Variants in PAAF1 observed in about 807,000 individuals in gnomAD.
PAAF1 encodes the protein proteasomal ATPase-associated factor 1.
Under a neutral mutation model 52.8 loss-of-function variants are expected in PAAF1, and 46 were observed. The observed-to-expected ratio is 0.87, with a 90% CI of 0.69 to 1.11. The LOEUF (loss-of-function observed/expected upper bound fraction) is 1.11. Ranked by LOEUF, PAAF1 falls within the 50% of genes most tolerant of loss-of-function variation. The pLI, the probability that PAAF1 is intolerant of heterozygous loss-of-function variation, is 0.00. For synonymous variants in PAAF1, 178 were observed against 172.8 expected, an observed-to-expected ratio of 1.03 and a Z score of -0.24; for missense variants, 424 against 477.4, an observed-to-expected ratio of 0.89 and a Z score of 1.04.
At chr11:73,879,267 G>A (rs1002555614) in intron 2 of PAAF1, 4 of 152,278 alleles carry the variant, frequency 2.6e-5, no homozygotes, top group African/African-American at 9.7e-5. Flanking sequence ...ACCAAGCTAA[G>A]TACATTTGTT....
In PAAF1 at chr11:73,914,481, T is replaced by C. The variant is rs1248982025; in HGVS notation, c.796T>C (p.Leu266=). ...LAREDKKLQC[L]GLQSRQLVFL... Reference sequence around the variant, plus strand: ...CCGGGAAGATAAGAAACTTCAGTGCTTGGGACTACAGAGCAGGCAGCTGGC... The same window carrying C: ...CCGGGAAGATAAGAAACTTCAGTGCCTGGGACTACAGAGCAGGCAGCTGGC... Residue 266 remains leucine (L), a synonymous_variant, in exon 8 of 12, where the codon TTG becomes CTG. Coordinates refer to ENST00000310571, the MANE Select transcript of PAAF1 (RefSeq NM_025155.3). 1 of 1,613,908 alleles carries C rather than the reference T, an allele frequency of 6.2e-7. No individual in the cohort carries two copies. The highest frequency in any genetic ancestry group is 1.7e-5 in the Admixed American group (1 of 59,986).
chr11:73,888,776 C>T (rs186681909), intron 3 of PAAF1: 6 of 294,174 alleles, frequency 2.0e-5, no homozygotes, highest in Non-Finnish European at 3.7e-5. Context: ...TCTTAGTTAA[C>T]TCTGACACTT....
At chr11:73,922,346 C>T (rs1176501550) in intron 10 of PAAF1, 1 of 337,492 alleles carries the variant, frequency 3.0e-6, no homozygotes, top group African/African-American at 2.2e-5. Flanking sequence ...AAAACTAAGA[C>T]CAATAAGAGA....
At chr11:73,879,880 A>G (rs1193820120) in intron 2 of PAAF1, 2 of 151,906 alleles carry the variant, frequency 1.3e-5, no homozygotes, top group Non-Finnish European at 2.9e-5. Flanking sequence ...CATTAAAAAA[A>G]AAAAGACTAT....
intron 7 of PAAF1, among the ~76,000 whole-genome samples, chr11:73,912,802 A>G (rs1045077501): frequency 2.0e-5 from 3 of 152,106 alleles, no homozygotes; most frequent in African/African-American, 7.2e-5. Context: ...ACCCTCTGCC[A>G]TGTTCACTAC....
In PAAF1 at chr11:73,930,911, A is replaced by G. The variant is rs1281446334; in HGVS notation, c.*3549A>G. The G allele has an allele frequency of 6.6e-6, 1 of 151,874 alleles. No individual in the cohort carries two copies. The highest frequency in any genetic ancestry group is 1.5e-5 in the Non-Finnish European group (1 of 67,990). The allele number at this position is 151,874 out of a possible 1,614,324, so 9.4% of individuals were successfully genotyped here. ...AGGAATATATTGTGTTTTGAGATCTATTGCATAGCATGGTAGATTGCTAAG... is the reference window on the plus strand; with the variant it reads ...AGGAATATATTGTGTTTTGAGATCTGTTGCATAGCATGGTAGATTGCTAAG... On this transcript the variant is annotated 3_prime_UTR_variant, in exon 12 of 12. Transcript: ENST00000310571.
chr11:73,905,862 C>T (rs1408809536), intron 6 of PAAF1, among the ~76,000 whole-genome samples: 1 of 152,062 alleles, frequency 6.6e-6, no homozygotes, highest in South Asian at 2.1e-4. Flanking sequence ...GTATCACTTC[C>T]GTGGAACTCA....
chr11:73,916,978 TAG>T (rs1950083345), intron 9 of PAAF1, among the ~76,000 whole-genome samples: 1 of 152,180 alleles, frequency 6.6e-6, no homozygotes, highest in Non-Finnish European at 1.5e-5. Context: ...TCTCTTACAT[TAG>T]ACCCTGGCTA....
At position 73,929,787 on chromosome 11, in the gene PAAF1, T is replaced by A. The variant is rs1950430443; in HGVS notation, c.*2425T>A. ...GAAAACAGGATGAGGCTGGGCATGG[T>A]GGCTCACGCCTATAATCCCAGCACT... On this transcript the variant is annotated 3_prime_UTR_variant, in exon 12 of 12. Coordinates refer to ENST00000310571, the MANE Select transcript of PAAF1 (RefSeq NM_025155.3). 1 of 152,316 alleles carries A rather than the reference T, an allele frequency of 6.6e-6. No individual in the cohort carries two copies. Among genetic ancestry groups the A allele is most frequent in the African/African-American group, 2.4e-5 (1 of 41,472 alleles). The allele number at this position is 152,316 out of a possible 1,614,324, so 9.4% of individuals were successfully genotyped here. A position where few individuals can be genotyped will look rare whatever the true frequency, so the allele number is the denominator to read the frequency against.
At chr11:73,885,063 T>G (rs999677102) in intron 2 of PAAF1, among the ~76,000 whole-genome samples, 5 of 151,708 alleles carry the variant, frequency 3.3e-5, no homozygotes, top group Non-Finnish European at 7.4e-5. Context: ...GTTTCACCGT[T>G]TTAGCCGGGA....
At chr11:73,901,591 G>A (rs771776176) in intron 6 of PAAF1, among the ~76,000 whole-genome samples, 1 of 151,780 alleles carries the variant, frequency 6.6e-6, no homozygotes, top group African/African-American at 2.4e-5. Flanking sequence ...TGTGTGTGGA[G>A]ATCAAGTTTT....
intron 3 of PAAF1, among the ~76,000 whole-genome samples, chr11:73,890,622 A>C (rs1256772065): frequency 6.6e-6 from 1 of 152,234 alleles, no homozygotes; most frequent in Non-Finnish European, 1.5e-5. Flanking sequence ...AAATGTCAGT[A>C]GTCTAACATT....
rs1188807357 is a variant in PAAF1, at chr11:73,892,631, A to G, written c.282+1430A>G. On this transcript the variant is annotated intron_variant, in intron 4 of 11. Transcript: ENST00000310571. ...TTTTACCAAAATGGGTTTTTACATT[A>G]CATGCTATTTTATAACTTGCTTTTT... 2.6e-5 allele frequency among the ~76,000 whole-genome samples: 4 copies of G among 152,220 alleles called. No homozygotes were observed. The South Asian group carries it at 8.3e-4, about 32-fold the overall frequency.
intron 10 of PAAF1, among the ~76,000 whole-genome samples, chr11:73,920,283 C>T (rs1212377359): frequency 2.0e-5 from 3 of 152,146 alleles, no homozygotes; most frequent in African/African-American, 4.8e-5. Flanking sequence ...CCTATAATCC[C>T]AGCATTTTGG....
chr11:73,884,471 G>A (rs555880407), intron 2 of PAAF1, among the ~76,000 whole-genome samples: 1 of 152,160 alleles, frequency 6.6e-6, no homozygotes, highest in Non-Finnish European at 1.5e-5. Flanking sequence ...CTCCAGCCTG[G>A]GTGACAGAGC....
At chr11:73,897,994 A>G (rs920989773) in intron 4 of PAAF1, among the ~76,000 whole-genome samples, 5 of 152,198 alleles carry the variant, frequency 3.3e-5, no homozygotes, top group Non-Finnish European at 7.4e-5. Flanking sequence ...CAGCCCAGCC[A>G]ACACAGCGAA....
chr11:73,927,216 A>G, intron 11 of PAAF1, 69 bp from the exon 12 acceptor site: 1 of 1,186,514 alleles, frequency 8.4e-7, no homozygotes, highest in Non-Finnish European at 1.3e-6. Flanking sequence ...TGTGTCAATC[A>G]TAAGCCTCCA....
Position 73,914,795 on chromosome 11 carries a change from C to A in PAAF1, c.819+291C>A, listed in dbSNP as rs567878835. ...TCGGTTCAGCTCACTGCAACCTCCA[C>A]CTCCTAGGTTCAAGTGATTCTCCTG... On this transcript the variant is annotated intron_variant, in intron 8 of 11. Transcript: ENST00000310571. Among the ~76,000 whole-genome samples the A allele has an allele frequency of 9.3e-5, 14 of 151,242 alleles. No homozygotes were observed. In the South Asian group the frequency reaches 2.7e-3, roughly 29 times the overall value.
chr11:73,896,967 C>T (rs1201556625), intron 4 of PAAF1, among the ~76,000 whole-genome samples: 8 of 136,112 alleles, frequency 5.9e-5, no homozygotes, highest in African/African-American at 8.5e-5. Flanking sequence ...GGCGGCTGGC[C>T]GGGCGGGGGG....
Sources: allele counts gnomAD v4.1 joint callset (sites outside exome capture counted in the v4.1 genomes callset), GRCh38; gene constraint gnomAD v4.1.1; transcripts MANE v1.5; gene names NCBI Gene and HGNC (gene_info 2026-07-23, HGNC 2026-07-21).